Variants in SLC44A5 observed in about 807,000 individuals in gnomAD.
SLC44A5 encodes choline transporter-like protein 5.
A neutral mutation model predicts 101.8 loss-of-function variants in SLC44A5; 57 were observed. That is an observed-to-expected ratio of 0.56 (90% CI 0.45 to 0.70). The LOEUF is 0.70. Among genes scored for constraint, SLC44A5 ranks in the 30% least tolerant of loss-of-function variants. The pLI, the probability that SLC44A5 is intolerant of heterozygous loss-of-function variation, is 0.00. For missense variants in SLC44A5, 737 were observed against 853.1 expected, an observed-to-expected ratio of 0.86 and a Z score of 1.70; for synonymous variants, 281 against 290.9, an observed-to-expected ratio of 0.97 and a Z score of 0.35.
intron 3 of SLC44A5, among the ~76,000 whole-genome samples, chr1:75,353,557 A>G (rs1331083793): frequency 6.6e-6 from 1 of 152,208 alleles, no homozygotes; most frequent in Non-Finnish European, 1.5e-5. Context: ...AATGAAATTT[A>G]TCTTAGAGCT....
At chr1:75,290,262 C>T (rs1441850356) in intron 5 of SLC44A5, among the ~76,000 whole-genome samples, 1 of 152,184 alleles carries the variant, frequency 6.6e-6, no homozygotes, top group East Asian at 1.9e-4. Flanking sequence ...TTGTAGGAAA[C>T]AATGCCCTTC....
intron 22 of SLC44A5, among the ~76,000 whole-genome samples, chr1:75,213,244 G>C (rs1036930858): frequency 6.6e-6 from 1 of 152,060 alleles, no homozygotes; most frequent in Admixed American, 6.6e-5. Flanking sequence ...GTAGAATGTG[G>C]GTTGGCATAA....
chr1:75,241,886 A>T, intron 9 of SLC44A5, 115 bp downstream of exon 9: 1 of 802,944 alleles, frequency 1.2e-6, no homozygotes, highest in Non-Finnish European at 2.0e-6. Flanking sequence ...CTGGGACTTT[A>T]GGCAGTCAGA....
chr1:75,655,814 G>A, the SLC44A5 span, among the ~76,000 whole-genome samples: 1 of 151,346 alleles, frequency 6.6e-6, no homozygotes, highest in Non-Finnish European at 1.5e-5. Flanking sequence ...GGGAAAGAGA[G>A]GTAGAAAAAA....
At chr1:75,614,835 G>A (rs372006283), upstream of SLC44A5, among the ~76,000 whole-genome samples, 2 of 152,048 alleles carry the variant, frequency 1.3e-5, no homozygotes, top group African/African-American at 2.4e-5. Context: ...CTTCCTCACC[G>A]CGCATGGTGT....
chr1:75,578,518 G>A (rs1203169560), intron 1 of SLC44A5, among the ~76,000 whole-genome samples: 1 of 152,156 alleles, frequency 6.6e-6, no homozygotes, highest in Non-Finnish European at 1.5e-5. Flanking sequence ...AGTGTGCTAA[G>A]TGAAGTAAGC....
chr1:75,673,152 G>A, the SLC44A5 span, among the ~76,000 whole-genome samples: 2 of 152,126 alleles, frequency 1.3e-5, no homozygotes, highest in South Asian at 2.1e-4. Flanking sequence ...GGGCTCTTGG[G>A]GTCTCTGATT....
At chr1:75,234,287 A>G (rs940724327) in intron 11 of SLC44A5, among the ~76,000 whole-genome samples, 189 bp from the exon 12 acceptor site, 15 of 152,128 alleles carry the variant, frequency 9.9e-5, no homozygotes, top group African/African-American at 3.6e-4. Context: ...ATGAAAGAAT[A>G]GGATCATCAG....
intron 3 of SLC44A5, among the ~76,000 whole-genome samples, chr1:75,354,225 C>T (rs1175653207): frequency 1.3e-5 from 2 of 152,180 alleles, no homozygotes; most frequent in Non-Finnish European, 2.9e-5. Flanking sequence ...GAGGCTGAAC[C>T]CTTTAAAGCT....
At chr1:75,503,387 T>C (rs1024557049) in intron 2 of SLC44A5, among the ~76,000 whole-genome samples, 1 of 152,024 alleles carries the variant, frequency 6.6e-6, no homozygotes, top group Non-Finnish European at 1.5e-5. Context: ...AGCCAGTGAG[T>C]TCTCACGAGA....
chr1:75,255,082 GA>G (rs1649906169), intron 6 of SLC44A5, among the ~76,000 whole-genome samples: 1 of 152,078 alleles, frequency 6.6e-6, no homozygotes, highest in African/African-American at 2.4e-5. Context: ...TGCTGTAATG[GA>G]ATATGACAGT....
chr1:75,516,478 C>T (rs1268296037), intron 2 of SLC44A5, among the ~76,000 whole-genome samples: 1 of 152,108 alleles, frequency 6.6e-6, no homozygotes, highest in East Asian at 1.9e-4. Flanking sequence ...GATCGCACCA[C>T]TGCACTCCAG....
At chr1:75,465,594 A>C (rs1235099826) in intron 2 of SLC44A5, among the ~76,000 whole-genome samples, 1 of 152,090 alleles carries the variant, frequency 6.6e-6, no homozygotes, top group Non-Finnish European at 1.5e-5. Flanking sequence ...ATAAAACAAA[A>C]AGTTGGTTTT....
At chr1:75,285,961 T>G (rs557103762) in intron 5 of SLC44A5, among the ~76,000 whole-genome samples, 1 of 152,218 alleles carries the variant, frequency 6.6e-6, no homozygotes, top group African/African-American at 2.4e-5. Context: ...TTGGGTAGAA[T>G]TTTCTGTAAA....
the SLC44A5 span, among the ~76,000 whole-genome samples, chr1:75,709,143 T>C: frequency 1.3e-5 from 2 of 151,854 alleles, no homozygotes; most frequent in Admixed American, 6.6e-5. Flanking sequence ...GTTGAAACTT[T>C]CCTGGTTCCA....
intron 2 of SLC44A5, among the ~76,000 whole-genome samples, chr1:75,489,248 AC>A (rs1668312043): frequency 1.3e-5 from 2 of 152,186 alleles, no homozygotes; most frequent in Non-Finnish European, 1.5e-5. Flanking sequence ...TTTAAAAAAA[AC>A]ATAAATTCAT....
chr1:75,550,030 G>A (rs189043505), intron 1 of SLC44A5, among the ~76,000 whole-genome samples: 64 of 152,132 alleles, frequency 4.2e-4, no homozygotes, highest in Middle Eastern at 3.4e-3. Context: ...ATGTTTTTAA[G>A]TGAAGAAAAA....
At chr1:75,208,141 A>C (rs975518115) in intron 23 of SLC44A5, among the ~76,000 whole-genome samples, 3 of 152,178 alleles carry the variant, frequency 2.0e-5, no homozygotes, top group Admixed American at 6.5e-5. Context: ...TAAGATCTAC[A>C]TAAGAACAAA....
chr1:75,456,821 T>G (rs1028677128), intron 2 of SLC44A5, among the ~76,000 whole-genome samples: 1 of 152,222 alleles, frequency 6.6e-6, no homozygotes, highest in South Asian at 2.1e-4. Context: ...GGCTTCACAC[T>G]CCCAAGAGAA....
Sources: allele counts gnomAD v4.1 joint callset (sites outside exome capture counted in the v4.1 genomes callset), GRCh38; gene constraint gnomAD v4.1.1; transcripts MANE v1.5; gene names NCBI Gene and HGNC (gene_info 2026-07-23, HGNC 2026-07-21).